PPAT: variants seen among roughly 807,000 people sequenced by gnomAD.
The protein encoded by PPAT is phosphoribosyl pyrophosphate amidotransferase.
A neutral mutation model predicts 60.2 loss-of-function variants in PPAT; 20 were observed. The observed-to-expected ratio is 0.33, with a 90% CI of 0.23 to 0.48. PPAT has a LOEUF of 0.48. Among genes scored for constraint, PPAT ranks in the 20% least tolerant of loss-of-function variants. PPAT has a pLI of 0.99. For synonymous variants in PPAT, 194 were observed against 215.1 expected (o/e 0.90, Z 0.86); for missense variants, 349 against 629.6 (o/e 0.55, Z 4.77).
chr4:56,412,984 G>A (rs570142664), intron 1 of PPAT, among the ~76,000 whole-genome samples: 3 of 143,394 alleles, frequency 2.1e-5, no homozygotes, highest in Non-Finnish European at 3.0e-5. Flanking sequence ...ACAATTAATG[G>A]TTCCATAATA....
intron 1 of PPAT, chr4:56,410,672 TAC>T (rs1164188073): frequency 7.1e-6 from 7 of 986,342 alleles, no homozygotes; most frequent in Non-Finnish European, 8.4e-6. Flanking sequence ...ATTAGGAGTA[TAC>T]AGAGACTGGA....
chr4:56,430,420 A>G (rs1717523407), intron 1 of PPAT, among the ~76,000 whole-genome samples: 1 of 152,166 alleles, frequency 6.6e-6, no homozygotes, highest in African/African-American at 2.4e-5. Context: ...TCCTGAACCA[A>G]TAAGGTCTCT....
At chr4:56,417,435 TA>T (rs1187605426) in intron 1 of PPAT, among the ~76,000 whole-genome samples, 1 of 152,164 alleles carries the variant, frequency 6.6e-6, no homozygotes, top group African/African-American at 2.4e-5. Context: ...ATTTGTATGA[TA>T]GGGGCCAAAA....
rs1234026594 is a variant in PPAT, at chr4:56,435,521, G to A, written c.-44C>T. On this transcript the variant is annotated 5_prime_UTR_variant, in exon 1 of 11. Coordinates refer to ENST00000264220, the MANE Select transcript of PPAT (RefSeq NM_002703.5). ...TGGAAGGACCTGCCGCTGCGGCCAAGGTGTAAGCACCAACCAGCTGCCAGC... is the reference window on the plus strand; with the variant it reads ...TGGAAGGACCTGCCGCTGCGGCCAAAGTGTAAGCACCAACCAGCTGCCAGC... 2 of 1,612,166 alleles carry A rather than the reference G, an allele frequency of 1.2e-6. No homozygotes were observed. The highest frequency in any genetic ancestry group is 2.2e-5 in the East Asian group (1 of 44,864).
At position 56,399,400 on chromosome 4, in the gene PPAT, A is replaced by ACAT; in HGVS notation, c.1015-1_1015insATG (p.Lys338_Cys339insMet). 6.2e-7 allele frequency: 1 copy of ACAT among 1,606,532 alleles called. No individual in the cohort carries two copies. Among genetic ancestry groups the ACAT allele is most frequent in the Non-Finnish European group, 8.5e-7 (1 of 1,173,352 alleles). On this transcript the variant is annotated inframe_insertion and splice_region_variant. Transcript: ENST00000264220. ...AGCACCTCCACATATGGAAGTCCACACTGATAGAGAAGAAATGAAAGGATA... is the reference window on the plus strand; with the variant it reads ...AGCACCTCCACATATGGAAGTCCACACATCTGATAGAGAAGAAATGAAAGGATA...
intron 1 of PPAT, among the ~76,000 whole-genome samples, chr4:56,429,474 C>T (rs1202784909): frequency 6.6e-6 from 1 of 152,162 alleles, no homozygotes; most frequent in Admixed American, 6.5e-5. Context: ...AATGACCCAT[C>T]ACAGACATCA....
intron 1 of PPAT, among the ~76,000 whole-genome samples, chr4:56,432,543 A>G (rs1165041699): frequency 3.3e-5 from 5 of 149,842 alleles, no homozygotes; most frequent in South Asian, 4.2e-4. Context: ...AAAAAAAAAA[A>G]GGGAGGCCAA....
At chr4:56,414,721 A>C (rs1181119483) in intron 1 of PPAT, among the ~76,000 whole-genome samples, 1 of 152,194 alleles carries the variant, frequency 6.6e-6, no homozygotes, top group Middle Eastern at 3.2e-3. Context: ...TCTGGACTCT[A>C]AACCAGGTAA....
chr4:56,410,004 T>C (rs1267529179), intron 1 of PPAT, among the ~76,000 whole-genome samples: 1 of 152,182 alleles, frequency 6.6e-6, no homozygotes, highest in Non-Finnish European at 1.5e-5. Flanking sequence ...AAAATAGATA[T>C]GCATAATACT....
chr4:56,402,049 T>G (rs1716125901), intron 6 of PPAT, 60 bp downstream of exon 6: 1 of 1,319,910 alleles, frequency 7.6e-7, no homozygotes, highest in East Asian at 2.3e-5. Flanking sequence ...TAAGAAACTG[T>G]CTAAAAAAAA....
At chr4:56,419,190 A>T (rs1716918019) in intron 1 of PPAT, among the ~76,000 whole-genome samples, 1 of 152,204 alleles carries the variant, frequency 6.6e-6, no homozygotes, top group South Asian at 2.1e-4. Context: ...AGAAAAAAGA[A>T]AGGAGTTAAA....
intron 1 of PPAT, among the ~76,000 whole-genome samples, chr4:56,432,872 G>A (rs1318946459): frequency 6.6e-6 from 1 of 150,754 alleles, no homozygotes; most frequent in East Asian, 1.9e-4. Flanking sequence ...AAACCTTTTT[G>A]CAGTTGTTTT....
intron 9 of PPAT, among the ~76,000 whole-genome samples, chr4:56,398,670 G>A (rs1716041715): frequency 6.6e-6 from 1 of 151,802 alleles, no homozygotes; most frequent in South Asian, 2.1e-4. Context: ...GGCTGGTCTT[G>A]AACTCCTGGA....
chr4:56,429,440 T>C (rs1291571099), intron 1 of PPAT, among the ~76,000 whole-genome samples: 1 of 152,160 alleles, frequency 6.6e-6, no homozygotes, highest in East Asian at 1.9e-4. Flanking sequence ...GAAGCCAACC[T>C]AATAATGGGA....
At chr4:56,432,295 A>T (rs1452448423) in intron 1 of PPAT, among the ~76,000 whole-genome samples, 3 of 152,102 alleles carry the variant, frequency 2.0e-5, no homozygotes, top group Admixed American at 6.5e-5. Context: ...TGGGAGACCG[A>T]AGAGGGTGGA....
rs372155354 is a variant in PPAT at position 56,399,170 on chromosome 4, A to C, written c.1236+9T>G. 2 of 1,593,928 alleles carry C rather than the reference A, an allele frequency of 1.3e-6. No homozygotes were observed. The highest frequency in any genetic ancestry group is 2.7e-5 in the African/African-American group (2 of 74,378). On this transcript the variant is annotated intron_variant, in intron 9 of 10. Coordinates refer to ENST00000264220, the MANE Select transcript of PPAT (RefSeq NM_002703.5). ...CTTATGCTTTAGGATATGTTTTAATATTACTTACCTCTTTTGCACCAGATT... is the reference window on the plus strand; with the variant it reads ...CTTATGCTTTAGGATATGTTTTAATCTTACTTACCTCTTTTGCACCAGATT...
intron 1 of PPAT, among the ~76,000 whole-genome samples, chr4:56,409,688 G>A (rs750509149): frequency 2.0e-5 from 3 of 152,172 alleles, no homozygotes; most frequent in African/African-American, 7.2e-5. Context: ...TAATAGTTCT[G>A]AACAAGTGCT....
At chr4:56,403,834 C>A in intron 3 of PPAT, 1 of 289,192 alleles carries the variant, frequency 3.5e-6, no homozygotes, top group Non-Finnish European at 6.9e-6. Flanking sequence ...AGAGCACAAC[C>A]TGGATCCCTT....
Position 56,395,495 on chromosome 4 carries a change from C to G in PPAT, c.1411G>C (p.Glu471Gln), listed in dbSNP as rs781606392. ...TTCTGTTTTTTAAACTTTATCCCTT[C>G]TTGTACAGATGAAACCAGTCCTTCT... The part of the protein sequence containing the change: ...SVEGLVSSVQ[E>Q]GIKFKKQKEK... The change falls in exon 11 of 11, where the codon GAA (glutamate) becomes CAA (glutamine). Residue 471 changes from glutamate (E) to glutamine (Q), a missense_variant. Glu to Gln is a conservative substitution (Grantham distance 29, BLOSUM62 2). Coordinates refer to ENST00000264220, the MANE Select transcript of PPAT (RefSeq NM_002703.5). 2.9e-5 allele frequency: 47 copies of G among 1,610,574 alleles called. No individual in the cohort carries two copies. Among genetic ancestry groups the G allele is most frequent in the Non-Finnish European group, 3.9e-5 (46 of 1,178,612 alleles).
Sources: gnomAD v4.1 joint callset for allele counts (sites outside exome capture counted in the v4.1 genomes callset) on GRCh38, gnomAD v4.1.1 for gene constraint, MANE v1.5 for transcripts, NCBI Gene and HGNC (gene_info 2026-07-23, HGNC 2026-07-21) for gene names.